The following DPP6 variants were observed in gnomAD, a reference collection of about 807,000 sequenced individuals.
DPP6 encodes A-type potassium channel modulatory protein DPP6.
DPP6 carries 69 observed loss-of-function variants against 122.6 expected under a neutral mutation model. The observed-to-expected ratio is 0.56, with a 90% CI of 0.46 to 0.69. The LOEUF is 0.69. Among genes scored for constraint, DPP6 ranks in the 30% least tolerant of loss-of-function variants. DPP6 has a pLI of 0.00. For synonymous variants in DPP6, 418 were observed against 433.1 expected, an observed-to-expected ratio of 0.97 and a Z score of 0.43; for missense variants, 928 against 1,116.9, an observed-to-expected ratio of 0.83 and a Z score of 2.41.
chr7:154,437,520 T>C (rs1818972789), intron 1 of DPP6, among the ~76,000 whole-genome samples: 1 of 152,248 alleles, frequency 6.6e-6, no homozygotes, highest in Non-Finnish European at 1.5e-5. Context: ...CTTGAAAATC[T>C]GTTAAGGTAA....
chr7:154,617,230 G>T (rs1834319314), intron 5 of DPP6, among the ~76,000 whole-genome samples: 1 of 152,202 alleles, frequency 6.6e-6, no homozygotes, highest in Non-Finnish European at 1.5e-5. Flanking sequence ...GAAGGGCAGG[G>T]AAGCAGGCTC....
At chr7:154,494,409 A>G (rs1351941631) in intron 3 of DPP6, among the ~76,000 whole-genome samples, 1 of 148,464 alleles carries the variant, frequency 6.7e-6, no homozygotes, top group Admixed American at 6.7e-5. Flanking sequence ...ATAATATATG[A>G]TAACATATAT....
At chr7:154,092,874 A>G (rs919596497) in intron 1 of DPP6, 2 of 152,092 alleles carry the variant, frequency 1.3e-5, no homozygotes, top group Non-Finnish European at 2.9e-5. Flanking sequence ...TCAGATGGCA[A>G]TCTTCTAATT....
chr7:154,431,549 T>TGAGATGGAATCTTGCTCTTG (rs1818420477), intron 1 of DPP6, among the ~76,000 whole-genome samples: 1 of 145,340 alleles, frequency 6.9e-6, no homozygotes, highest in Non-Finnish European at 1.5e-5. Flanking sequence ...TTTTTTTTTT[T>TGAGATGGAATCTTGCTCTTG]TTGAGATGGA....
At chr7:154,332,143 C>G (rs1038881365) in intron 1 of DPP6, among the ~76,000 whole-genome samples, 1 of 151,632 alleles carries the variant, frequency 6.6e-6, no homozygotes, top group Non-Finnish European at 1.5e-5. Context: ...GCAATCCCAG[C>G]TCACTGCAAC....
At chr7:154,176,997 C>A (rs989331976) in intron 1 of DPP6, among the ~76,000 whole-genome samples, 2 of 152,114 alleles carry the variant, frequency 1.3e-5, no homozygotes, top group East Asian at 3.9e-4. Flanking sequence ...CCACACCTGG[C>A]TAACTTTTGT....
At chr7:154,838,763 C>T (rs1017460656) in intron 16 of DPP6, 4 of 152,336 alleles carry the variant, frequency 2.6e-5, no homozygotes, top group African/African-American at 9.6e-5. Context: ...GGACTTTAAA[C>T]ATCTCACAAA....
At chr7:154,731,718 A>T (rs906746964) in intron 8 of DPP6, among the ~76,000 whole-genome samples, 4 of 152,164 alleles carry the variant, frequency 2.6e-5, no homozygotes, top group Middle Eastern at 3.2e-3. Context: ...AATTACATCG[A>T]ATTTTGATTT....
In DPP6 at chr7:154,610,465, T is replaced by C. The variant is rs369528318; in HGVS notation, c.628-27356T>C. Among the ~76,000 whole-genome samples, 99 of 152,244 alleles carry C rather than the reference T, an allele frequency of 6.5e-4. 2 individuals are homozygous for C. The South Asian group carries it at 0.016, about 25-fold the overall frequency. On this transcript the variant is annotated intron_variant, in intron 5 of 25. Coordinates refer to ENST00000377770, the MANE Select transcript of DPP6 (RefSeq NM_130797.4). ...GAGCAGAGAAGAGTTGGGCTGAAAA[T>C]TGAATTTCCTACCACTTGTAGGTAC... is the stretch of plus-strand genomic sequence containing the variant.
chr7:154,230,517 C>T (rs918297924), intron 1 of DPP6, among the ~76,000 whole-genome samples: 1 of 152,194 alleles, frequency 6.6e-6, no homozygotes, highest in South Asian at 2.1e-4. Flanking sequence ...GAACCTGGGT[C>T]ATAGCCCATG....
rs1803606257 is a variant in DPP6 at position 154,863,631 on chromosome 7, A to T, written c.1715-4364A>T. 6.6e-6 allele frequency among the ~76,000 whole-genome samples: 1 copy of T among 152,114 alleles called. No homozygotes were observed. Among genetic ancestry groups the T allele is most frequent in the Non-Finnish European group, 1.5e-5 (1 of 68,038 alleles). On this transcript the variant is annotated intron_variant, in intron 17 of 25. Transcript: ENST00000377770. The surrounding 1 kb of genome is among the most constrained non-coding windows in gnomAD (Gnocchi z 4.1). ...GGAGTTTGAGACTAGCCTGGGAAACACAATGAGACCCTACCTCTGCAAAAA... is the reference window on the plus strand; with the variant it reads ...GGAGTTTGAGACTAGCCTGGGAAACTCAATGAGACCCTACCTCTGCAAAAA...
the DPP6 span, among the ~76,000 whole-genome samples, chr7:153,808,697 T>A: frequency 6.6e-6 from 1 of 152,044 alleles, no homozygotes; most frequent in Non-Finnish European, 1.5e-5. Context: ...TCACTTGGTA[T>A]AATGTTCGTA....
intron 3 of DPP6, among the ~76,000 whole-genome samples, chr7:154,496,998 A>G (rs904358311): frequency 6.6e-6 from 1 of 152,148 alleles, no homozygotes; most frequent in Non-Finnish European, 1.5e-5. Context: ...TTGAGGACCT[A>G]CTATGTGACA....
At chr7:154,806,048 C>A (rs534820810) in intron 15 of DPP6, among the ~76,000 whole-genome samples, 2 of 152,218 alleles carry the variant, frequency 1.3e-5, no homozygotes, top group East Asian at 3.8e-4. Context: ...GGCCGCTATG[C>A]GGACAGGATG....
intron 7 of DPP6, among the ~76,000 whole-genome samples, chr7:154,677,954 G>A (rs556499581): frequency 6.6e-6 from 1 of 152,348 alleles, no homozygotes; most frequent in South Asian, 2.1e-4. Flanking sequence ...GGATTGTAAA[G>A]GCACCAATCA....
At chr7:154,149,951 C>A (rs1386039972) in intron 1 of DPP6, among the ~76,000 whole-genome samples, 1 of 152,010 alleles carries the variant, frequency 6.6e-6, no homozygotes, top group Non-Finnish European at 1.5e-5. Context: ...TGGGAGAAGG[C>A]GGCTCTTTTT....
Position 154,829,605 on chromosome 7 carries a change from A to G in DPP6, c.1666+22493A>G, listed in dbSNP as rs184392511. Reference sequence around the variant, plus strand: ...TGAATTTCCAAGCAAATTGGGAGTCAGTGCAAGAGTAATATCGGCTCAATG... The same window carrying G: ...TGAATTTCCAAGCAAATTGGGAGTCGGTGCAAGAGTAATATCGGCTCAATG... On this transcript the variant is annotated intron_variant, in intron 16 of 25. Coordinates refer to ENST00000377770, the MANE Select transcript of DPP6 (RefSeq NM_130797.4). 2.5e-3 allele frequency among the ~76,000 whole-genome samples: 374 copies of G among 152,300 alleles called. 2 individuals carry two copies. The highest frequency in any genetic ancestry group is 8.5e-3 in the African/African-American group (352 of 41,568).
At chr7:153,780,712 G>C in the DPP6 span, among the ~76,000 whole-genome samples, 1 of 152,088 alleles carries the variant, frequency 6.6e-6, no homozygotes, top group African/African-American at 2.4e-5. Context: ...TTTCACTGTG[G>C]GCTGCTGGTA....
chr7:154,073,124 A>G (rs192170540), intron 1 of DPP6, among the ~76,000 whole-genome samples: 2 of 152,294 alleles, frequency 1.3e-5, no homozygotes, highest in Admixed American at 6.5e-5. Flanking sequence ...TGGTCCCTTA[A>G]TTGCCCAAAA....
Sources: gnomAD v4.1 joint callset for allele counts (sites outside exome capture counted in the v4.1 genomes callset) on GRCh38, gnomAD v4.1.1 for gene constraint, Gnocchi (gnomAD v3.1) non-coding constraint, MANE v1.5 for transcripts, NCBI Gene and HGNC (gene_info 2026-07-23, HGNC 2026-07-21) for gene names.